Variants in DDX42 observed in about 807,000 individuals in gnomAD.
DDX42 encodes ATP-dependent RNA helicase DDX42.
DDX42 carries 22 observed loss-of-function variants against 101.5 expected under a neutral mutation model. The observed-to-expected ratio is 0.22, with a 90% CI of 0.15 to 0.31. The LOEUF (loss-of-function observed/expected upper bound fraction) is 0.31. Among genes scored for constraint, DDX42 ranks in the 10% least tolerant of loss-of-function variants. DDX42 has a pLI of 1.00. For missense variants in DDX42, 849 were observed against 1,199.9 expected (o/e 0.71, Z 4.32); for synonymous variants, 402 against 401.2 (o/e 1.00, Z -0.02).
intron 6 of DDX42, among the ~76,000 whole-genome samples, chr17:63,801,706 T>C: frequency 6.6e-6 from 1 of 151,924 alleles, no homozygotes. Flanking sequence ...CCACCCACCT[T>C]GGTCTCCCAA....
chr17:63,818,015 G>A lies in DDX42; in HGVS notation c.2434G>A (p.Glu812Lys). ...CAACGGGAAAAGAGAGAGATATACT[G>A]AGAACCGGGGCAGCAGCCGTCACAG... is the stretch of plus-strand genomic sequence containing the variant. ...GSNGKRERYT[E>K]NRGSSRHSHG... The change falls in exon 18 of 18, where the codon GAG becomes AAG. Residue 812 changes from glutamate to lysine, a missense_variant. Glu to Lys is a moderately conservative substitution (Grantham distance 56). Transcript: ENST00000389924. The A allele has an allele frequency of 6.2e-7, 1 of 1,614,126 alleles. No homozygotes were observed. Among genetic ancestry groups the A allele is most frequent in the Admixed American group, 1.7e-5 (1 of 60,020 alleles).
intron 13 of DDX42, chr17:63,811,577 A>G (rs576802746): frequency 2.1e-4 from 83 of 387,702 alleles, no homozygotes; most frequent in African/African-American, 1.6e-3. Flanking sequence ...CCTGGAAAAA[A>G]TCAGGTTTCA....
rs2039556562 is a variant in DDX42 at position 63,787,108 on chromosome 17, C to T, written c.59C>T (p.Ala20Val). Residue 20 changes from alanine to valine, a missense_variant, in exon 2 of 18, where the codon GCC becomes GTC. Physicochemically the swap from Ala to Val is moderately conservative, Grantham distance 64. Around this residue, in one of 5 missense-constraint regions of DDX42, gnomAD observed 92 missense variants for 106.7 expected, o/e 0.86. Coordinates refer to ENST00000389924, the MANE Select transcript of DDX42 (RefSeq NM_203499.3). ...TKRGFGFGGFAISAGKKEEPK... is the reference protein window; with the variant it reads ...TKRGFGFGGFVISAGKKEEPK... ...CGAGGATTTGGCTTTGGAGGTTTTG[C>T]CATCAGTGCTGGGAAAAAGGAGGAA... 2 of 1,614,064 alleles carry T rather than the reference C, an allele frequency of 1.2e-6. No homozygotes were observed. The highest frequency in any genetic ancestry group is 1.7e-6 in the Non-Finnish European group (2 of 1,180,042).
chr17:63,799,491 C>A (rs758729670), intron 4 of DDX42, 98 bp from the exon 5 acceptor site: 1 of 1,322,590 alleles, frequency 7.6e-7, no homozygotes, highest in African/African-American at 1.5e-5. Context: ...GTTGAGAGTT[C>A]CTGTGCTGTG....
chr17:63,818,324 A>C lies in DDX42; in HGVS notation c.2743A>C (p.Lys915Gln). 1 of 1,614,174 alleles carries C rather than the reference A, an allele frequency of 6.2e-7. No individual in the cohort carries two copies. Among genetic ancestry groups the C allele is most frequent in the Middle Eastern group, 1.6e-4 (1 of 6,062 alleles). ...CAGCAAGATGGACAAGGTGGACAGC[A>C]AGACAGATAAGACAGCTGACGGCTT... ...DSSKMDKVDS[K>Q]TDKTADGFAV... Residue 915 changes from lysine to glutamine, a missense_variant, in exon 18 of 18, where the codon AAG becomes CAG. This residue lies in a region of DDX42 where 300 missense variants were observed against 304.9 expected (regional missense o/e 0.98). Transcript: ENST00000389924.
intron 15 of DDX42, among the ~76,000 whole-genome samples, chr17:63,814,751 G>A (rs559079014): frequency 2.8e-5 from 4 of 140,740 alleles, no homozygotes; most frequent in South Asian, 2.5e-4. Context: ...GTGCAGTGGC[G>A]CAGTCTCAGC....
Position 63,818,270 on chromosome 17 carries a change from G to T in DDX42, c.2689G>T (p.Glu897Ter). Residue 897 changes from glutamate to a stop codon, truncating the protein, a stop_gained, in exon 18 of 18, where the codon GAG (glutamate) becomes TAG (stop). Coordinates refer to ENST00000389924, the MANE Select transcript of DDX42 (RefSeq NM_203499.3). LOFTEE classifies it high-confidence loss of function. ...KEAFNRESKM[E>*]PKMEPKVDSS... ...AGCTTTTAATCGTGAGAGCAAGATG[G>T]AGCCCAAGATGGAACCCAAAGTGGA... 1 of 1,614,100 alleles carries T rather than the reference G, an allele frequency of 6.2e-7. No homozygotes were observed. The highest frequency in any genetic ancestry group is 8.5e-7 in the Non-Finnish European group (1 of 1,179,998).
chr17:63,774,548 C>T (rs576528236), intron 1 of DDX42, 172 bp downstream of exon 1: 1 of 167,084 alleles, frequency 6.0e-6, no homozygotes, highest in Admixed American at 6.4e-5. Flanking sequence ...GGGGCTGAGG[C>T]CTCTAGGGTT....
chr17:63,786,259 A>G (rs1364105647), intron 1 of DDX42, among the ~76,000 whole-genome samples: 1 of 152,136 alleles, frequency 6.6e-6, no homozygotes, highest in Non-Finnish European at 1.5e-5. Context: ...TTTTTAAGAG[A>G]CAGGATTTCA....
At chr17:63,805,313 T>C in intron 7 of DDX42, 138 bp downstream of exon 7, 1 of 1,026,250 alleles carries the variant, frequency 9.7e-7, no homozygotes. Context: ...AATTATTATA[T>C]CCCTTCTGTT....
intron 5 of DDX42, chr17:63,800,101 A>T (rs1184693020): frequency 4.7e-6 from 1 of 214,066 alleles, no homozygotes; most frequent in Non-Finnish European, 9.3e-6. Flanking sequence ...AGCCGTTTCC[A>T]GGTTTGTGAC....
chr17:63,813,082 C>G, intron 14 of DDX42, 146 bp from the exon 15 acceptor site: 2 of 667,206 alleles, frequency 3.0e-6, no homozygotes, highest in Non-Finnish European at 5.0e-6. Context: ...GTGGTGGTGA[C>G]TTAACATGCC....
At chr17:63,808,314 C>G (rs113253779) in intron 9 of DDX42, among the ~76,000 whole-genome samples, 54 of 152,150 alleles carry the variant, frequency 3.5e-4, no homozygotes, top group African/African-American at 1.3e-3. Context: ...GCTGGGATCA[C>G]GGGCACACGC....
rs1198745691 is a variant in DDX42 at position 63,774,346 on chromosome 17, G to GTAGCAGCTGCCGCTGCAGCCA, written c.-39_-19dup. The GTAGCAGCTGCCGCTGCAGCCA allele has an allele frequency of 4.0e-6, 1 of 247,708 alleles. No homozygotes were observed. The highest frequency in any genetic ancestry group is 2.4e-5 in the African/African-American group (1 of 42,162). 15.3% of individuals were successfully genotyped at this position (247,708 alleles called of 1,614,324 possible). ...CGGGATTCGCTCCGCGCCCGCGGTT[G>GTAGCAGCTGCCGCTGCAGCCA]TAGCAGCTGCCGCTGCAGCCATAGC... is the stretch of plus-strand genomic sequence containing the variant. On this transcript the variant is annotated 5_prime_UTR_variant, in exon 1 of 18. Transcript: ENST00000389924.
chr17:63,784,328 G>A (rs971131355), intron 1 of DDX42, among the ~76,000 whole-genome samples: 2 of 152,000 alleles, frequency 1.3e-5, no homozygotes, highest in Non-Finnish European at 2.9e-5. Context: ...AAATCAAATA[G>A]CTGCTGTTAA....
intron 2 of DDX42, among the ~76,000 whole-genome samples, chr17:63,790,979 A>G (rs2039621053): frequency 6.6e-6 from 1 of 152,226 alleles, no homozygotes; most frequent in Admixed American, 6.5e-5. Flanking sequence ...TATTATTGTT[A>G]CATATAGTCA....
In DDX42 at chr17:63,813,281, C is replaced by T; in HGVS notation, c.1729C>T (p.Arg577Ter). Residue 577 changes from arginine (R) to a stop codon, truncating the protein, a stop_gained, in exon 15 of 18, where the codon CGA becomes TGA. Transcript: ENST00000389924. LOFTEE classifies it high-confidence loss of function. Reference protein sequence around the residue: ...IKTVINYDVARDIDTHTHRIG... With the variant: ...IKTVINYDVA ...GACTGTCATTAACTATGATGTGGCA[C>T]GAGACATTGATACCCACACGCATAG... 1 of 1,613,932 alleles carries T rather than the reference C, an allele frequency of 6.2e-7. No individual in the cohort carries two copies. Among genetic ancestry groups the T allele is most frequent in the Non-Finnish European group, 8.5e-7 (1 of 1,179,856 alleles).
chr17:63,813,841 C>A (rs140989130), intron 15 of DDX42, among the ~76,000 whole-genome samples: 1 of 151,852 alleles, frequency 6.6e-6, no homozygotes, highest in Non-Finnish European at 1.5e-5. Context: ...TATAGTGCCC[C>A]CCCACCTTTT....
chr17:63,775,708 A>T (rs985339754), intron 1 of DDX42, among the ~76,000 whole-genome samples: 1 of 152,186 alleles, frequency 6.6e-6, no homozygotes, highest in South Asian at 2.1e-4. Flanking sequence ...CTGAGGGAGT[A>T]TTAGGAGATA....
Sources: allele counts gnomAD v4.1 joint callset (sites outside exome capture counted in the v4.1 genomes callset), GRCh38; gene constraint gnomAD v4.1.1; regional missense constraint gnomAD v4.1.1; transcripts MANE v1.5; gene names NCBI Gene and HGNC (gene_info 2026-07-23, HGNC 2026-07-21).